Variants in VIPR2 observed in about 807,000 individuals in gnomAD.
VIPR2 encodes vasoactive intestinal peptide receptor 2, also known as vasoactive intestinal polypeptide receptor 2.
In VIPR2, 48 loss-of-function variants were observed where a neutral mutation model predicts 58.0. The observed-to-expected ratio is 0.83, with a 90% CI of 0.66 to 1.05. The LOEUF is 1.05. VIPR2 is among the 50% of genes least tolerant of loss of function. The pLI is 0.00. For synonymous variants in VIPR2, 243 were observed against 235.2 expected, an observed-to-expected ratio of 1.03 and a Z score of -0.30; for missense variants, 534 against 558.0, an observed-to-expected ratio of 0.96 and a Z score of 0.43.
At chr7:159,075,503 C>T (rs1187799463) in intron 4 of VIPR2, among the ~76,000 whole-genome samples, 1 of 152,228 alleles carries the variant, frequency 6.6e-6, no homozygotes, top group Admixed American at 6.5e-5. Flanking sequence ...TTTTTAGTGT[C>T]AGGAGTGGGA....
Position 159,109,927 on chromosome 7 carries a change from G to A in VIPR2, c.152-8C>T, listed in dbSNP as rs150420230. 218 of 1,612,540 alleles carry A rather than the reference G, an allele frequency of 1.4e-4. 1 individual carries two copies. In the African/African-American group the frequency reaches 2.7e-3, roughly 20 times the overall value. On this transcript the variant is annotated splice_region_variant and splice_polypyrimidine_tract_variant and intron_variant, in intron 2 of 12. Coordinates refer to ENST00000262178, the MANE Select transcript of VIPR2 (RefSeq NM_003382.5). ...CCCAGACGCCACTGCAGGCTGGAAG[G>A]AGAGAAGCAGAGTGAGGCAGGTGCA...
chr7:159,116,211 G>A (rs959255199), intron 2 of VIPR2, among the ~76,000 whole-genome samples: 2 of 152,190 alleles, frequency 1.3e-5, no homozygotes, highest in Non-Finnish European at 2.9e-5. Flanking sequence ...TGGGTGACGT[G>A]GGCAGAACCT....
chr7:159,045,318 G>A (rs1281177476), intron 5 of VIPR2, among the ~76,000 whole-genome samples: 1 of 152,160 alleles, frequency 6.6e-6, no homozygotes, highest in Non-Finnish European at 1.5e-5. Flanking sequence ...ACAGAACAAA[G>A]CTGAAGAACT....
At chr7:159,108,419 C>T (rs1795856118) in intron 3 of VIPR2, among the ~76,000 whole-genome samples, 1 of 152,230 alleles carries the variant, frequency 6.6e-6, no homozygotes, top group South Asian at 2.1e-4. Context: ...GCATATTTCC[C>T]CTGCATTTCA....
intron 6 of VIPR2, among the ~76,000 whole-genome samples, chr7:159,040,618 C>A (rs1854269378): frequency 6.6e-6 from 1 of 152,204 alleles, no homozygotes; most frequent in Admixed American, 6.5e-5. Context: ...GAGAAAAAGA[C>A]CCTGCACCTA....
intron 2 of VIPR2, among the ~76,000 whole-genome samples, chr7:159,111,537 G>A (rs1489792725): frequency 5.9e-5 from 9 of 151,840 alleles, no homozygotes; most frequent in Non-Finnish European, 7.4e-5. Flanking sequence ...AAAATTAGCC[G>A]GGTGTGGTGG....
At chr7:159,064,356 A>C (rs971972657) in intron 4 of VIPR2, among the ~76,000 whole-genome samples, 5 of 152,080 alleles carry the variant, frequency 3.3e-5, no homozygotes, top group Admixed American at 6.5e-5. Flanking sequence ...CCCTCTGTGC[A>C]GAACCCTCCG....
Position 159,032,049 on chromosome 7 carries a change from C to T in VIPR2, c.990G>A (p.Thr330=), listed in dbSNP as rs1170418989. ...CGCCGAACAGCGGGATAAGCAGGAGCGTGGACTTGGCCAGCCTCCTGCACA... is the reference window on the plus strand; with the variant it reads ...CGCCGAACAGCGGGATAAGCAGGAGTGTGGACTTGGCCAGCCTCCTGCACA... ...QSQYKRLAKS[T]LLLIPLFGVH... The change falls in exon 11 of 13, where the codon ACG becomes ACA. Residue 330 remains threonine, a synonymous_variant. Transcript: ENST00000262178. 8 of 1,613,966 alleles carry T rather than the reference C, an allele frequency of 5.0e-6. No homozygotes were observed. In the South Asian group the frequency reaches 6.6e-5, roughly 13 times the overall value.
chr7:159,055,276 A>C (rs1237166736), intron 5 of VIPR2, among the ~76,000 whole-genome samples: 1 of 152,204 alleles, frequency 6.6e-6, no homozygotes, highest in East Asian at 1.9e-4. Flanking sequence ...CTGGTGCCAG[A>C]ACTCTGAATA....
intron 4 of VIPR2, among the ~76,000 whole-genome samples, chr7:159,062,610 G>A (rs750609492): frequency 6.6e-6 from 1 of 152,130 alleles, no homozygotes; most frequent in African/African-American, 2.4e-5. Context: ...TGAAGCCGCA[G>A]ACATTCCTAG....
chr7:159,112,742 A>ACGGGACCCGG (rs1796078792), intron 2 of VIPR2, among the ~76,000 whole-genome samples: 1 of 135,956 alleles, frequency 7.4e-6, no homozygotes, highest in East Asian at 2.4e-4. Context: ...CCTACCTGGG[A>ACGGGACCCGG]CCGACCCTGA....
chr7:159,063,878 G>A (rs12698311), intron 4 of VIPR2, among the ~76,000 whole-genome samples: 10,360 of 54,624 alleles, frequency 0.19, 1,745 homozygotes, highest in East Asian at 0.64. Flanking sequence ...GTCCTGGTGG[G>A]GTCTGGGGGT....
intron 5 of VIPR2, among the ~76,000 whole-genome samples, chr7:159,057,084 G>A (rs1458024620): frequency 6.6e-6 from 1 of 152,148 alleles, no homozygotes; most frequent in African/African-American, 2.4e-5. Flanking sequence ...ATGTCATGCT[G>A]TACATATGTG....
rs541057958 is a variant in VIPR2, at chr7:159,030,418, G to C, written c.*198C>G. On this transcript the variant is annotated 3_prime_UTR_variant, in exon 13 of 13. Coordinates refer to ENST00000262178, the MANE Select transcript of VIPR2 (RefSeq NM_003382.5). The stretch of plus-strand genomic sequence containing the variant: ...TTTGCACAAGATTATCTAAATGCTG[G>C]AGTTTAAATCGAGTCAATGACAACA... 66 of 532,310 alleles carry C rather than the reference G, an allele frequency of 1.2e-4. 1 individual carries two copies. The Admixed American group carries it at 2.4e-3, about 20-fold the overall frequency. 33.0% of individuals were successfully genotyped at this position (532,310 alleles called of 1,614,324 possible).
At chr7:159,116,120 GGAGCA>G (rs1386231536) in intron 2 of VIPR2, among the ~76,000 whole-genome samples, 12 of 152,196 alleles carry the variant, frequency 7.9e-5, no homozygotes, top group Non-Finnish European at 1.5e-4. Flanking sequence ...CGGAAGGGCT[GGAGCA>G]GTTGGTGGGA....
At chr7:159,103,075 G>A (rs1200938252) in intron 4 of VIPR2, among the ~76,000 whole-genome samples, 5 of 152,198 alleles carry the variant, frequency 3.3e-5, no homozygotes, top group Non-Finnish European at 7.3e-5. Flanking sequence ...TGCACGGATG[G>A]ACCAGAGCAG....
chr7:159,046,610 G>A (rs1854668110), intron 5 of VIPR2, among the ~76,000 whole-genome samples: 1 of 152,072 alleles, frequency 6.6e-6, no homozygotes, highest in Non-Finnish European at 1.5e-5. Context: ...AATGGTGATA[G>A]TTACACAACA....
intron 4 of VIPR2, among the ~76,000 whole-genome samples, chr7:159,068,724 G>C (rs995455457): frequency 2.0e-5 from 3 of 152,210 alleles, no homozygotes; most frequent in East Asian, 1.9e-4. Flanking sequence ...AGAAGGCAGG[G>C]TCTGAGGAGG....
In VIPR2 at chr7:159,034,051, T is replaced by C. The variant is rs528894382; in HGVS notation, c.971+162A>G. Among the ~76,000 whole-genome samples, 16 of 152,302 alleles carry C rather than the reference T, an allele frequency of 1.1e-4. No homozygotes were observed. In the South Asian group the frequency reaches 1.7e-3, roughly 16 times the overall value. On this transcript the variant is annotated intron_variant, in intron 10 of 12. Coordinates refer to ENST00000262178, the MANE Select transcript of VIPR2 (RefSeq NM_003382.5). ...CCAGGGAAATGCTGTCCAGGGCCTC[T>C]CTGAGCCTTGGGCAGGAGCAGAGCC...
Sources: allele counts gnomAD v4.1 joint callset (sites outside exome capture counted in the v4.1 genomes callset), GRCh38; gene constraint gnomAD v4.1.1; transcripts MANE v1.5; gene names NCBI Gene and HGNC (gene_info 2026-07-23, HGNC 2026-07-21).